The following FARP1 variants were observed in gnomAD, a reference collection of about 807,000 sequenced individuals.
FARP1 encodes FERM, ARH/RhoGEF and pleckstrin domain protein 1, also known as FERM, ARHGEF and pleckstrin domain-containing protein 1.
Under a neutral mutation model 128.8 loss-of-function variants are expected in FARP1, and 52 were observed. The observed-to-expected ratio is 0.40, with a 90% CI of 0.32 to 0.51. The LOEUF (loss-of-function observed/expected upper bound fraction) is 0.51. FARP1 is among the 20% of genes least tolerant of loss of function. The pLI is 0.45. For missense variants in FARP1, 1,333 were observed against 1,367.9 expected (o/e 0.97, Z 0.40); for synonymous variants, 580 against 551.8 (o/e 1.05, Z -0.72).
At chr13:98,342,734 C>T (rs1221522224) in intron 2 of FARP1, among the ~76,000 whole-genome samples, 5 of 146,300 alleles carry the variant, frequency 3.4e-5, no homozygotes, top group Non-Finnish European at 7.5e-5. Context: ...CATAAAAAGA[C>T]ATGGAAGGGG....
At chr13:98,348,966 A>T (rs1888292824) in intron 3 of FARP1, among the ~76,000 whole-genome samples, 1 of 152,228 alleles carries the variant, frequency 6.6e-6, no homozygotes, top group African/African-American at 2.4e-5. Flanking sequence ...AGCCTCTCTT[A>T]GCTAAAGCTC....
At chr13:98,310,129 C>G (rs553085386) in intron 2 of FARP1, among the ~76,000 whole-genome samples, 4 of 150,390 alleles carry the variant, frequency 2.7e-5, no homozygotes, top group South Asian at 2.1e-4. Flanking sequence ...ATCTCGATGG[C>G]CTTCAGGGAA....
At chr13:98,407,277 C>T (rs557733691) in intron 13 of FARP1, 1 of 152,756 alleles carries the variant, frequency 6.5e-6, no homozygotes, top group East Asian at 1.9e-4. Flanking sequence ...GTTTTAACCT[C>T]TAGACAGACT....
In FARP1 at chr13:98,258,746, A is replaced by T. The variant is rs114920396; in HGVS notation, c.171+45333A>T. Reference sequence around the variant, plus strand: ...GTTCACTGTTTTCTGAGGCTCTTTCATCCTCTGCCTGACATCTAATTTCTT... The same window carrying T: ...GTTCACTGTTTTCTGAGGCTCTTTCTTCCTCTGCCTGACATCTAATTTCTT... On this transcript the variant is annotated intron_variant, in intron 2 of 26. Coordinates refer to ENST00000319562, the MANE Select transcript of FARP1 (RefSeq NM_005766.4). Among the ~76,000 whole-genome samples the T allele has an allele frequency of 5.9e-3, 904 of 152,220 alleles. 10 individuals carry two copies. Among genetic ancestry groups the T allele is most frequent in the African/African-American group, 0.021 (883 of 41,550 alleles).
intron 13 of FARP1, chr13:98,397,580 G>C (rs1890595997): frequency 6.6e-6 from 1 of 152,190 alleles, no homozygotes; most frequent in Non-Finnish European, 1.5e-5. Context: ...TTAGATTAAA[G>C]AGCCTGGTTT....
chr13:98,363,742 T>C (rs1202287289), intron 3 of FARP1, among the ~76,000 whole-genome samples: 1 of 152,094 alleles, frequency 6.6e-6, no homozygotes, highest in African/African-American at 2.4e-5. Context: ...TTGAATTTAT[T>C]TATTTCTTTC....
chr13:98,352,410 T>A (rs1054757027), intron 3 of FARP1, among the ~76,000 whole-genome samples: 7 of 152,068 alleles, frequency 4.6e-5, no homozygotes, highest in African/African-American at 7.2e-5. Context: ...AGACGGGCCA[T>A]CACTCAAGAG....
chr13:98,185,756 G>A (rs1407095615), intron 1 of FARP1, among the ~76,000 whole-genome samples: 3 of 151,802 alleles, frequency 2.0e-5, no homozygotes, highest in African/African-American at 7.3e-5. Flanking sequence ...GGAATGCAGT[G>A]GCACGATCTC....
At chr13:98,275,941 T>C (rs554008475) in intron 2 of FARP1, among the ~76,000 whole-genome samples, 1 of 152,350 alleles carries the variant, frequency 6.6e-6, no homozygotes, top group African/African-American at 2.4e-5. Context: ...TTATGATCTG[T>C]GTGTGAAACT....
intron 5 of FARP1, among the ~76,000 whole-genome samples, chr13:98,369,514 G>A (rs945345189): frequency 1.6e-4 from 24 of 147,014 alleles, no homozygotes; most frequent in African/African-American, 5.5e-4. Context: ...ATCCCTCCCC[G>A]CTCCCCCCAC....
At chr13:98,249,629 T>G (rs1946795671) in intron 2 of FARP1, among the ~76,000 whole-genome samples, 1 of 152,160 alleles carries the variant, frequency 6.6e-6, no homozygotes, top group African/African-American at 2.4e-5. Context: ...ACAGAAATTG[T>G]TTGGCTATTG....
At chr13:98,174,912 G>A (rs1042669156) in intron 1 of FARP1, among the ~76,000 whole-genome samples, 3 of 152,084 alleles carry the variant, frequency 2.0e-5, no homozygotes, top group African/African-American at 2.4e-5. Context: ...ATCCTATCTC[G>A]CTCCTGGGTC....
intron 2 of FARP1, among the ~76,000 whole-genome samples, chr13:98,242,191 A>G (rs1395748191): frequency 1.3e-5 from 2 of 152,178 alleles, no homozygotes; most frequent in Non-Finnish European, 2.9e-5. Flanking sequence ...TTTGAGATCT[A>G]TTAAAGAAAC....
intron 16 of FARP1, among the ~76,000 whole-genome samples, chr13:98,423,790 G>A (rs1019499335): frequency 2.6e-5 from 4 of 152,226 alleles, no homozygotes; most frequent in African/African-American, 9.6e-5. Context: ...TTAGCATGGT[G>A]TCTGGTACAT....
chr13:98,216,039 T>G (rs1351123801), intron 2 of FARP1, among the ~76,000 whole-genome samples: 1 of 152,226 alleles, frequency 6.6e-6, no homozygotes, highest in Non-Finnish European at 1.5e-5. Flanking sequence ...TCCGTCCGCC[T>G]TGGCCTCCCA....
intron 25 of FARP1, 146 bp from the exon 26 acceptor site, chr13:98,446,520 C>G: frequency 1.3e-6 from 1 of 798,060 alleles, no homozygotes; most frequent in Admixed American, 2.4e-5. Flanking sequence ...TACAGGCAAA[C>G]ACTGGCTGCC....
At chr13:98,174,693 G>A (rs947173942) in intron 1 of FARP1, among the ~76,000 whole-genome samples, 2 of 152,104 alleles carry the variant, frequency 1.3e-5, no homozygotes, top group African/African-American at 2.4e-5. Flanking sequence ...CTGCCTTGTC[G>A]ACTATCAAGC....
At chr13:98,312,157 T>TTTTTTTTTTTTTTTTGTG (rs1555336443) in intron 2 of FARP1, among the ~76,000 whole-genome samples, 1 of 148,894 alleles carries the variant, frequency 6.7e-6, no homozygotes, top group Non-Finnish European at 1.5e-5. Flanking sequence ...TTTTTTTTCT[T>TTTTTTTTTTTTTTTTGTG]TGAGACGGAG....
At position 98,452,240 on chromosome 13, in the gene FARP1, T is replaced by G. The variant is rs1405487440; in HGVS notation, c.*3923T>G. 6.6e-6 allele frequency: 1 copy of G among 152,162 alleles called. No homozygotes were observed. Among genetic ancestry groups the G allele is most frequent in the African/African-American group, 2.4e-5 (1 of 41,410 alleles). 9.4% of individuals were successfully genotyped at this position (152,162 alleles called of 1,614,324 possible). A position where few individuals can be genotyped will look rare whatever the true frequency, so the allele number is the denominator to read the frequency against. On this transcript the variant is annotated 3_prime_UTR_variant, in exon 27 of 27. Coordinates refer to ENST00000319562, the MANE Select transcript of FARP1 (RefSeq NM_005766.4). ...ATGATATGCAGAATCCACTACAAGG[T>G]GCAACAGAAAATCGTATTGGAAAGG...
Sources: allele counts gnomAD v4.1 joint callset (sites outside exome capture counted in the v4.1 genomes callset), GRCh38; gene constraint gnomAD v4.1.1; transcripts MANE v1.5; gene names NCBI Gene and HGNC (gene_info 2026-07-23, HGNC 2026-07-21).